HECW1: variants seen among roughly 807,000 people sequenced by gnomAD.
HECW1 encodes the protein E3 ubiquitin-protein ligase HECW1.
In HECW1, 61 loss-of-function variants were observed where a neutral mutation model predicts 182.3. That is an observed-to-expected ratio of 0.33 (90% CI 0.27 to 0.41). The LOEUF is 0.41. Among genes scored for constraint, HECW1 ranks in the 10% least tolerant of loss-of-function variants. The probability of loss-of-function intolerance (pLI) is 1.00; values close to 1 mark genes in which losing one functional copy is unlikely to be tolerated. For synonymous variants in HECW1, 859 were observed against 832.6 expected (o/e 1.03, Z -0.55); for missense variants, 1,739 against 2,108.9 (o/e 0.82, Z 3.44).
chr7:43,476,771 A>T lies in HECW1; in HGVS notation c.3100-2839A>T, dbSNP rs148147200. ...TCAAACTACAACTTAATATTATACC[A>T]AAATAAGTTTCAGAAAGGTAAAGAT... On this transcript the variant is annotated intron_variant, in intron 16 of 29. Coordinates refer to ENST00000395891, the MANE Select transcript of HECW1 (RefSeq NM_015052.5). Among the ~76,000 whole-genome samples, 442 of 152,270 alleles carry T rather than the reference A, an allele frequency of 2.9e-3. 2 individuals are homozygous for T. Among genetic ancestry groups the T allele is most frequent in the Non-Finnish European group, 5.2e-3 (352 of 67,972 alleles).
intron 4 of HECW1, among the ~76,000 whole-genome samples, chr7:43,312,405 G>A (rs1248741490): frequency 1.3e-5 from 2 of 152,206 alleles, no homozygotes; most frequent in African/African-American, 4.8e-5. Context: ...CTGTTTTTAA[G>A]TCTATGTGCT....
intron 21 of HECW1, among the ~76,000 whole-genome samples, chr7:43,501,532 T>C (rs140174747): frequency 4.3e-4 from 66 of 152,198 alleles, no homozygotes; most frequent in African/African-American, 1.3e-3. Context: ...TTTGAAATGG[T>C]TGGGAAAAAA....
intron 26 of HECW1, among the ~76,000 whole-genome samples, chr7:43,547,246 T>G (rs911637187): frequency 6.6e-6 from 1 of 152,134 alleles, no homozygotes; most frequent in Non-Finnish European, 1.5e-5. Context: ...AATACTGCAC[T>G]CACATAAAAG....
At position 43,445,529 on chromosome 7, in the gene HECW1, G is replaced by A. The variant is rs754081404; in HGVS notation, c.2357G>A (p.Gly786Asp). 1.2e-5 allele frequency: 20 copies of A among 1,606,914 alleles called. No homozygotes were observed. Among genetic ancestry groups the A allele is most frequent in the African/African-American group, 4.0e-5 (3 of 74,802 alleles). ...PSGHVERSPE[G>D]LESPVAGPSN... ...GGGCACGTGGAAAGAAGCCCGGAAG[G>A]TCTGGAATCCCCCGTGGCAGGTCCA... Residue 786 changes from glycine to aspartate, a missense_variant, in exon 11 of 30, where the codon GGT becomes GAT. Gly to Asp is a moderately conservative substitution (Grantham distance 94). Around this residue, in one of 5 missense-constraint regions of HECW1, gnomAD observed 971 missense variants for 1,029.1 expected, o/e 0.94. Transcript: ENST00000395891.
chr7:43,447,238 GCA>G (rs1337689702), intron 11 of HECW1, among the ~76,000 whole-genome samples: 4 of 151,784 alleles, frequency 2.6e-5, no homozygotes, highest in African/African-American at 9.7e-5. Context: ...CTGTTTTAGT[GCA>G]CAGTTTTTTG....
chr7:43,311,799 A>C lies in HECW1; in HGVS notation c.64A>C (p.Met22Leu), dbSNP rs1158106936. The C allele has an allele frequency of 1.2e-6, 2 of 1,614,048 alleles. 1 individual carries two copies. Among genetic ancestry groups the C allele is most frequent in the South Asian group, 2.2e-5 (2 of 91,078 alleles). The change falls in exon 4 of 30, where the codon ATG (methionine) becomes CTG (leucine). Residue 22 changes from methionine to leucine, a missense_variant. Physicochemically the swap from Met to Leu is conservative, Grantham distance 15. Transcript: ENST00000395891. ...GAACAGGTTTTTAGGCCTGGCCGCC[A>C]TGGCGTCTCCTTCTAGAAACTCCCA... ...YQNRFLGLAA[M>L]ASPSRNSQSR...
intron 8 of HECW1, among the ~76,000 whole-genome samples, chr7:43,431,383 C>G (rs1363301676): frequency 6.6e-6 from 1 of 152,174 alleles, no homozygotes; most frequent in East Asian, 1.9e-4. Context: ...TCCCACATGC[C>G]CTCAATCTTG....
At chr7:43,311,677 C>A in intron 3 of HECW1, 86 bp from the exon 4 acceptor site, 2 of 1,246,586 alleles carry the variant, frequency 1.6e-6, no homozygotes, top group Non-Finnish European at 1.2e-6. Flanking sequence ...CGCGTGTCTC[C>A]CAGCACATCT....
intron 2 of HECW1, chr7:43,241,169 G>A (rs1378739772): frequency 1.3e-5 from 2 of 152,314 alleles, no homozygotes; most frequent in Non-Finnish European, 2.9e-5. Context: ...ATCCCATATG[G>A]CAGAAGCAAG....
At chr7:43,147,428 T>G (rs1788838639) in intron 2 of HECW1, 1 of 152,182 alleles carries the variant, frequency 6.6e-6, no homozygotes, top group Non-Finnish European at 1.5e-5. Flanking sequence ...CACAATGTAG[T>G]TTTTCTTTTG....
intron 3 of HECW1, among the ~76,000 whole-genome samples, chr7:43,262,790 C>G (rs1420900362): frequency 6.6e-6 from 1 of 152,136 alleles, no homozygotes; most frequent in Non-Finnish European, 1.5e-5. Flanking sequence ...GTATACAGCC[C>G]TGGGCCACTA....
chr7:43,140,108 T>C (rs1788003550), intron 2 of HECW1, among the ~76,000 whole-genome samples: 1 of 137,440 alleles, frequency 7.3e-6, no homozygotes, highest in South Asian at 2.3e-4. Context: ...TTAATATTTT[T>C]GATTATTTGT....
intron 6 of HECW1, among the ~76,000 whole-genome samples, chr7:43,393,876 C>A (rs2075131973): frequency 6.6e-6 from 1 of 152,020 alleles, no homozygotes; most frequent in Admixed American, 6.5e-5. Context: ...ATGAAATACG[C>A]CATTTAATCC....
intron 3 of HECW1, among the ~76,000 whole-genome samples, chr7:43,265,339 A>T (rs1255377705): frequency 6.6e-6 from 1 of 152,176 alleles, no homozygotes; most frequent in Non-Finnish European, 1.5e-5. Flanking sequence ...AATTGGTCCC[A>T]TGGCCCTCCT....
chr7:43,421,885 A>G (rs2076195396), intron 8 of HECW1, among the ~76,000 whole-genome samples: 1 of 152,200 alleles, frequency 6.6e-6, no homozygotes, highest in Non-Finnish European at 1.5e-5. Flanking sequence ...GCCAGGTGGG[A>G]AACGAGGAAG....
At chr7:43,451,883 C>A (rs919362108) in intron 12 of HECW1, among the ~76,000 whole-genome samples, 2 of 152,168 alleles carry the variant, frequency 1.3e-5, no homozygotes, top group Non-Finnish European at 2.9e-5. Context: ...TCTTTACATT[C>A]TTTTGCCTGT....
intron 6 of HECW1, among the ~76,000 whole-genome samples, chr7:43,362,151 AAG>A (rs1225225550): frequency 2.1e-5 from 3 of 144,396 alleles, no homozygotes; most frequent in African/African-American, 2.7e-5. Flanking sequence ...AAAAAAAAAA[AAG>A]AGAGAGAGAG....
At position 43,181,897 on chromosome 7, in the gene HECW1, C is replaced by T. The variant is rs555920656; in HGVS notation, c.-31-61978C>T. Among the ~76,000 whole-genome samples, 83 of 150,834 alleles carry T rather than the reference C, an allele frequency of 5.5e-4. 1 individual carries two copies. The highest frequency in any genetic ancestry group is 1.0e-3 in the Non-Finnish European group (70 of 68,006). The stretch of plus-strand genomic sequence containing the variant: ...CCACCTCCTGGGTTCATGCCATTCT[C>T]GTGCCTCAGCCTCCCGAGTAGCTGG... On this transcript the variant is annotated intron_variant, in intron 2 of 29. Coordinates refer to ENST00000395891, the MANE Select transcript of HECW1 (RefSeq NM_015052.5).
At chr7:43,328,032 T>C (rs1811019569) in intron 5 of HECW1, among the ~76,000 whole-genome samples, 1 of 150,882 alleles carries the variant, frequency 6.6e-6, no homozygotes, top group Non-Finnish European at 1.5e-5. Flanking sequence ...TAAAACGGAT[T>C]TGGGGCCAGG....
Sources: gnomAD v4.1 joint callset for allele counts (sites outside exome capture counted in the v4.1 genomes callset) on GRCh38, gnomAD v4.1.1 for gene constraint, gnomAD v4.1.1 regional missense constraint, MANE v1.5 for transcripts, NCBI Gene and HGNC (gene_info 2026-07-23, HGNC 2026-07-21) for gene names.